The following EPC1 variants were observed in gnomAD, a reference collection of about 807,000 sequenced individuals.
EPC1 encodes enhancer of polycomb homolog 1.
In EPC1, 12 loss-of-function variants were observed where a neutral mutation model predicts 98.4. The observed-to-expected ratio is 0.12, with a 90% CI of 0.08 to 0.20. EPC1 has a LOEUF of 0.20. EPC1 is among the 10% of genes least tolerant of loss of function. The probability of loss-of-function intolerance (pLI) is 1.00; values close to 1 mark genes in which losing one functional copy is unlikely to be tolerated. For synonymous variants in EPC1, 357 were observed against 363.9 expected (o/e 0.98, Z 0.21); for missense variants, 729 against 990.5 (o/e 0.74, Z 3.54).
At chr10:32,348,963 A>G (rs904076585), upstream of EPC1, among the ~76,000 whole-genome samples, 3 of 152,254 alleles carry the variant, frequency 2.0e-5, no homozygotes, top group Non-Finnish European at 4.4e-5. Context: ...TTGCAAAAAA[A>G]GTAAAAATGA....
At chr10:32,306,003 GT>G in intron 1 of EPC1, 72 bp from the exon 2 acceptor site, 23 of 1,347,890 alleles carry the variant, frequency 1.7e-5, no homozygotes, top group South Asian at 3.7e-5. Flanking sequence ...AGCCAAAAAG[GT>G]TTTTTTGGCT....
chr10:32,351,199 T>C (rs1564564115), upstream of EPC1, among the ~76,000 whole-genome samples: 2 of 152,186 alleles, frequency 1.3e-5, no homozygotes, highest in African/African-American at 4.8e-5. Flanking sequence ...CCAAGTCATA[T>C]CTTTATAACT....
At chr10:32,353,971 A>C (rs1839198946) in intron 1 of EPC1, among the ~76,000 whole-genome samples, 4 of 152,166 alleles carry the variant, frequency 2.6e-5, no homozygotes, top group Admixed American at 2.6e-4. Context: ...TTCATCTAGG[A>C]AATGTTGGAA....
chr10:32,304,816 G>A (rs1835777473), intron 2 of EPC1, among the ~76,000 whole-genome samples: 2 of 151,602 alleles, frequency 1.3e-5, no homozygotes, highest in South Asian at 4.1e-4. Flanking sequence ...CTACTCGGGA[G>A]GCTGAGGCAG....
At chr10:32,310,904 T>C (rs992923519) in intron 1 of EPC1, among the ~76,000 whole-genome samples, 38 of 109,776 alleles carry the variant, frequency 3.5e-4, no homozygotes, top group Admixed American at 1.5e-3. Context: ...TAATTACCTC[T>C]TATCTTTAAC....
chr10:32,352,767 G>A (rs960371814), intron 1 of EPC1, among the ~76,000 whole-genome samples: 4 of 152,154 alleles, frequency 2.6e-5, no homozygotes, highest in Non-Finnish European at 4.4e-5. Context: ...CTCAATTTTC[G>A]TGACAGCCCT....
intron 1 of EPC1, among the ~76,000 whole-genome samples, chr10:32,354,168 A>T (rs1259937244): frequency 6.6e-6 from 1 of 152,240 alleles, no homozygotes; most frequent in African/African-American, 2.4e-5. Context: ...CCTTAAGAGA[A>T]TAAAGGGCAA....
intron 1 of EPC1, among the ~76,000 whole-genome samples, chr10:32,365,661 A>G (rs1049842489): frequency 2.7e-5 from 4 of 146,550 alleles, no homozygotes; most frequent in African/African-American, 1.0e-4. Flanking sequence ...TAAAATTCAA[A>G]AAAGAAAAAA....
At chr10:32,349,590 C>CA (rs57415384), upstream of EPC1, among the ~76,000 whole-genome samples, 1,404 of 130,586 alleles carry the variant, frequency 0.011, 32 homozygotes, top group African/African-American at 0.036. Context: ...AACAAACAAA[C>CA]AAAAAAACCC....
chr10:32,325,529 G>A (rs1454266422), intron 1 of EPC1, among the ~76,000 whole-genome samples: 4 of 152,140 alleles, frequency 2.6e-5, no homozygotes, highest in Non-Finnish European at 5.9e-5. Flanking sequence ...TCTTGTAAAG[G>A]TTCTGAGGCT....
chr10:32,294,815 A>T (rs539171181), intron 2 of EPC1, among the ~76,000 whole-genome samples: 7 of 152,186 alleles, frequency 4.6e-5, no homozygotes, highest in Non-Finnish European at 1.0e-4. Context: ...ACATCTTTAG[A>T]ATGGTATAAG....
At position 32,356,968 on chromosome 10, in the gene EPC1, G is replaced by A. The variant is rs576574103; in HGVS notation, c.3+21523C>T. ...TGCACTCCAGCCTGGGCGAGGGAGC[G>A]AGACTCCGCATCAAAAAAATAAAAA... is the stretch of plus-strand genomic sequence containing the variant. On this transcript the variant is annotated intron_variant, in intron 1 of 13. Transcript: ENST00000375110. 8.5e-5 allele frequency among the ~76,000 whole-genome samples: 13 copies of A among 152,180 alleles called. No individual in the cohort carries two copies. The South Asian group carries it at 2.3e-3, about 27-fold the overall frequency.
intron 2 of EPC1, among the ~76,000 whole-genome samples, chr10:32,295,140 A>C (rs2132749201): frequency 6.6e-6 from 1 of 152,188 alleles, no homozygotes; most frequent in Non-Finnish European, 1.5e-5. Flanking sequence ...CCCTATTAGA[A>C]TGTGTGTGAT....
chr10:32,324,732 G>T (rs1034183358), intron 1 of EPC1, among the ~76,000 whole-genome samples: 3 of 152,070 alleles, frequency 2.0e-5, no homozygotes, highest in African/African-American at 7.2e-5. Context: ...GGTGGCTCAA[G>T]ACTGTAATCC....
At chr10:32,357,652 G>A (rs1230843282) in intron 1 of EPC1, among the ~76,000 whole-genome samples, 4 of 151,948 alleles carry the variant, frequency 2.6e-5, no homozygotes, top group Non-Finnish European at 5.9e-5. Flanking sequence ...TAGAGACAGG[G>A]TCTTGCTACG....
At chr10:32,297,781 T>C (rs71493120) in intron 2 of EPC1, among the ~76,000 whole-genome samples, 2,313 of 150,534 alleles carry the variant, frequency 0.015, 35 homozygotes, top group Admixed American at 0.022. Context: ...ACAGGACTTA[T>C]ACATTGAATA....
intron 4 of EPC1, 39 bp from the exon 5 acceptor site, chr10:32,292,683 T>A: frequency 6.3e-7 from 1 of 1,578,806 alleles, no homozygotes; most frequent in Non-Finnish European, 8.6e-7. Flanking sequence ...TTAGTAAGTA[T>A]TTCTAACTAG....
intron 10 of EPC1, among the ~76,000 whole-genome samples, chr10:32,280,297 C>G (rs540327030): frequency 3.3e-5 from 5 of 149,562 alleles, no homozygotes; most frequent in African/African-American, 1.2e-4. Context: ...TCTACTAATA[C>G]AAAAATTAGC....
chr10:32,271,454 G>A (rs2132634264), intron 13 of EPC1, 100 bp downstream of exon 13: 1 of 1,331,872 alleles, frequency 7.5e-7, no homozygotes, highest in South Asian at 1.4e-5. Flanking sequence ...TGTATAAAAG[G>A]AAAAGAACAA....
Sources: allele counts gnomAD v4.1 joint callset (sites outside exome capture counted in the v4.1 genomes callset), GRCh38; gene constraint gnomAD v4.1.1; transcripts MANE v1.5; gene names NCBI Gene and HGNC (gene_info 2026-07-23, HGNC 2026-07-21).